Variants in CCDC3 observed in about 807,000 individuals in gnomAD.
The protein encoded by CCDC3 is coiled-coil domain containing 3.
CCDC3 carries 24 observed loss-of-function variants against 21.4 expected under a neutral mutation model. The observed-to-expected ratio is 1.12, with a 90% CI of 0.81 to 1.58. CCDC3 has a LOEUF of 1.58. CCDC3 is among the 40% of genes most tolerant of loss of function. The pLI, the probability that CCDC3 is intolerant of heterozygous loss-of-function variation, is 0.00. For missense variants in CCDC3, 425 were observed against 360.9 expected (o/e 1.18, Z -1.44); for synonymous variants, 186 against 166.0 (o/e 1.12, Z -0.93).
chr10:13,070,371 A>T (rs1836866967), intron 4 of CCDC3, among the ~76,000 whole-genome samples: 1 of 152,156 alleles, frequency 6.6e-6, no homozygotes, highest in Non-Finnish European at 1.5e-5. Flanking sequence ...ACAATTGGAG[A>T]AACTGGTTGC....
intron 2 of CCDC3, among the ~76,000 whole-genome samples, chr10:12,963,167 G>A (rs1190489377): frequency 2.0e-5 from 3 of 152,142 alleles, no homozygotes; most frequent in Non-Finnish European, 2.9e-5. Context: ...CACATTAAGC[G>A]ATCATATTTT....
chr10:13,092,756 T>A (rs1461293692), intron 3 of CCDC3, among the ~76,000 whole-genome samples: 1 of 152,172 alleles, frequency 6.6e-6, no homozygotes, highest in Non-Finnish European at 1.5e-5. Flanking sequence ...AGAAGCAAAA[T>A]GTTGCTGGCA....
intron 2 of CCDC3, among the ~76,000 whole-genome samples, chr10:12,966,822 A>T (rs1418814062): frequency 2.0e-5 from 3 of 152,236 alleles, no homozygotes; most frequent in Admixed American, 6.5e-5. Context: ...TAAAATGAAG[A>T]GGTTTAACCA....
chr10:13,078,430 A>G (rs1231573241), intron 3 of CCDC3, among the ~76,000 whole-genome samples: 8 of 152,240 alleles, frequency 5.3e-5, no homozygotes, highest in African/African-American at 1.9e-4. Flanking sequence ...AACTAGTTCA[A>G]CCATTGTGGA....
chr10:13,048,349 A>G (rs1325861231), intron 5 of CCDC3, among the ~76,000 whole-genome samples: 1 of 150,968 alleles, frequency 6.6e-6, no homozygotes, highest in Non-Finnish European at 1.5e-5. Flanking sequence ...GCACCACCAC[A>G]CCTGGCTAAT....
At chr10:13,019,237 A>AAAAG (rs1041735557) in intron 5 of CCDC3, among the ~76,000 whole-genome samples, 12 of 150,396 alleles carry the variant, frequency 8.0e-5, no homozygotes, top group South Asian at 2.1e-4. Context: ...CTGTCTTTAA[A>AAAAG]AAAGAAAGAA....
chr10:13,010,349 G>C (rs896194680), intron 5 of CCDC3, among the ~76,000 whole-genome samples: 1 of 152,090 alleles, frequency 6.6e-6, no homozygotes, highest in Non-Finnish European at 1.5e-5. Context: ...AAGAAGCTAA[G>C]AATGGCAAAT....
intron 2 of CCDC3, among the ~76,000 whole-genome samples, chr10:12,933,979 CTTTAAA>C (rs1333121300): frequency 6.6e-6 from 1 of 151,888 alleles, no homozygotes; most frequent in Admixed American, 6.6e-5. Flanking sequence ...CTTTTGCTTA[CTTTAAA>C]TTTAATTTGC....
chr10:12,983,552 T>C (rs543241033), intron 2 of CCDC3, among the ~76,000 whole-genome samples: 1 of 149,510 alleles, frequency 6.7e-6, no homozygotes, highest in Non-Finnish European at 1.5e-5. Flanking sequence ...ACCTGGCTTA[T>C]GTGAGTGAAA....
chr10:13,061,628 T>C (rs1836758932), intron 4 of CCDC3, among the ~76,000 whole-genome samples: 1 of 152,072 alleles, frequency 6.6e-6, no homozygotes, highest in East Asian at 1.9e-4. Flanking sequence ...AGAAATACAC[T>C]GGTTTGGTGG....
chr10:12,986,707 A>G (rs1353042691), intron 2 of CCDC3, among the ~76,000 whole-genome samples: 1 of 151,554 alleles, frequency 6.6e-6, no homozygotes, highest in Non-Finnish European at 1.5e-5. Flanking sequence ...CGGGAGGCGG[A>G]GCTTGCAGTG....
chr10:12,961,834 G>A (rs1835182468), intron 2 of CCDC3, among the ~76,000 whole-genome samples: 1 of 152,136 alleles, frequency 6.6e-6, no homozygotes, highest in Non-Finnish European at 1.5e-5. Context: ...CAAGTAGCTA[G>A]CTGCAGGCTG....
intron 2 of CCDC3, among the ~76,000 whole-genome samples, chr10:12,909,346 G>T (rs1363595803): frequency 6.6e-6 from 1 of 152,210 alleles, no homozygotes; most frequent in Non-Finnish European, 1.5e-5. Flanking sequence ...GGGAGGAAGG[G>T]CAAAAGGACC....
In CCDC3 at chr10:13,055,664, G is replaced by A. The variant is rs537368716; in HGVS notation, c.-269-5723C>T. On this transcript the variant is annotated intron_variant, in intron 4 of 6. Transcript: ENST00000378839. ...ACAGGGAGGTGAGAAATTGTTGGTG[G>A]CTAGCTTTAAAGACACTCTTCCAAC... Among the ~76,000 whole-genome samples the A allele has an allele frequency of 2.0e-5, 3 of 151,936 alleles. No homozygotes were observed. The South Asian group carries it at 6.2e-4, about 32-fold the overall frequency.
Position 12,904,959 on chromosome 10 carries a change from T to A in CCDC3, c.550-6280A>T, listed in dbSNP as rs143701779. On this transcript the variant is annotated intron_variant, in intron 2 of 2. Transcript: ENST00000378825. ...AAGACAGTATGTTTTTTTAAAAAAATATCTCATGGCACCAGACATGCCAAA... is the reference window on the plus strand; with the variant it reads ...AAGACAGTATGTTTTTTTAAAAAAAAATCTCATGGCACCAGACATGCCAAA... Among the ~76,000 whole-genome samples the A allele has an allele frequency of 4.4e-3, 672 of 152,188 alleles. 8 individuals carry two copies. The highest frequency in any genetic ancestry group is 0.015 in the African/African-American group (609 of 41,522).
chr10:12,956,794 A>C (rs981599706), intron 2 of CCDC3, among the ~76,000 whole-genome samples: 8 of 152,024 alleles, frequency 5.3e-5, no homozygotes, highest in African/African-American at 1.7e-4. Context: ...AAACTCACAC[A>C]CAAGAGACCT....
chr10:13,065,651 A>G, intron 4 of CCDC3, among the ~76,000 whole-genome samples: 1 of 152,158 alleles, frequency 6.6e-6, no homozygotes, highest in South Asian at 2.1e-4. Context: ...GGCCCAGGCA[A>G]TGTCCTACCC....
At chr10:12,947,972 C>G (rs1834942998) in intron 2 of CCDC3, among the ~76,000 whole-genome samples, 1 of 152,174 alleles carries the variant, frequency 6.6e-6, no homozygotes, top group South Asian at 2.1e-4. Flanking sequence ...AAGACCCAAG[C>G]TTTGAACACA....
chr10:12,898,080 T>G lies in CCDC3; in HGVS notation c.*336A>C, dbSNP rs1588994590. The G allele has an allele frequency of 1.0e-5, 3 of 289,270 alleles. No homozygotes were observed. Among genetic ancestry groups the G allele is most frequent in the Admixed American group, 9.3e-5 (2 of 21,548 alleles). 17.9% of individuals were successfully genotyped at this position (289,270 alleles called of 1,614,324 possible). A position where few individuals can be genotyped will look rare whatever the true frequency, so the allele number is the denominator to read the frequency against. The stretch of plus-strand genomic sequence containing the variant: ...AATAAAGGCTAAGCACGTTGATGTC[T>G]TTTACACTAGAGATTCTAAAATGTT... On this transcript the variant is annotated 3_prime_UTR_variant, in exon 3 of 3. Transcript: ENST00000378825.
Sources: gnomAD v4.1 joint callset for allele counts (sites outside exome capture counted in the v4.1 genomes callset) on GRCh38, gnomAD v4.1.1 for gene constraint, MANE v1.5 for transcripts, NCBI Gene and HGNC (gene_info 2026-07-23, HGNC 2026-07-21) for gene names.